Variants in MYLK observed in about 807,000 individuals in gnomAD.
MYLK encodes the protein myosin light chain kinase, smooth muscle.
MYLK carries 106 observed loss-of-function variants against 203.4 expected under a neutral mutation model. The ratio of observed to expected loss-of-function variants is 0.52; its 90% CI spans 0.45 to 0.61. The LOEUF (loss-of-function observed/expected upper bound fraction) is 0.61. MYLK is among the 20% of genes least tolerant of loss of function. The probability of loss-of-function intolerance (pLI) is 0.00; values close to 1 mark genes in which losing one functional copy is unlikely to be tolerated. For missense variants in MYLK, 2,072 were observed against 2,442.3 expected (o/e 0.85, Z 3.20); for synonymous variants, 867 against 959.5 (o/e 0.90, Z 1.78).
intron 20 of MYLK, chr3:123,680,946 A>G (rs2060242349): frequency 6.6e-6 from 1 of 152,210 alleles, no homozygotes; most frequent in Admixed American, 6.5e-5. Flanking sequence ...ATTAAAAATT[A>G]TAAGGGAAGC....
At chr3:123,871,635 G>A (rs2032795606) in intron 2 of MYLK, among the ~76,000 whole-genome samples, 1 of 151,876 alleles carries the variant, frequency 6.6e-6, no homozygotes, top group Non-Finnish European at 1.5e-5. Flanking sequence ...AAATAACCTG[G>A]ACAGTCCTAT....
chr3:123,681,763 G>A, intron 20 of MYLK: 1 of 235,650 alleles, frequency 4.2e-6, no homozygotes, highest in South Asian at 6.5e-5. Flanking sequence ...TATGTCCTCG[G>A]CACTAACATG....
chr3:123,641,854 T>A (rs2108125925), intron 27 of MYLK, among the ~76,000 whole-genome samples: 1 of 138,202 alleles, frequency 7.2e-6, no homozygotes, highest in East Asian at 2.6e-4. Flanking sequence ...TCCTCCTTCC[T>A]TTCCTTTCTT....
intron 3 of MYLK, among the ~76,000 whole-genome samples, chr3:123,818,074 A>G (rs1158691863): frequency 1.3e-5 from 2 of 152,114 alleles, no homozygotes; most frequent in African/African-American, 4.8e-5. Flanking sequence ...AAAGGTAACC[A>G]CTGAGTTACC....
chr3:123,641,435 C>T (rs878594), intron 27 of MYLK, among the ~76,000 whole-genome samples: 49,266 of 151,616 alleles, frequency 0.32, 14,550 homozygotes, highest in African/African-American at 0.76. Context: ...TTTTTTTCTT[C>T]TTCAATTTTT....
intron 2 of MYLK, among the ~76,000 whole-genome samples, chr3:123,875,302 T>C (rs897385128): frequency 6.6e-6 from 1 of 152,190 alleles, no homozygotes; most frequent in East Asian, 1.9e-4. Flanking sequence ...GAATAACCTA[T>C]TGATATACCC....
At chr3:123,698,060 A>G (rs1036309747) in intron 18 of MYLK, among the ~76,000 whole-genome samples, 5 of 152,138 alleles carry the variant, frequency 3.3e-5, no homozygotes, top group Admixed American at 2.6e-4. Context: ...TCTGCCTTAC[A>G]TCGCTTAGTT....
intron 5 of MYLK, among the ~76,000 whole-genome samples, chr3:123,746,063 T>A (rs961514991): frequency 1.4e-4 from 22 of 152,040 alleles, no homozygotes; most frequent in Non-Finnish European, 3.1e-4. Context: ...CACCATGTTG[T>A]CAGGCTGGTC....
chr3:123,777,754 A>T (rs995716456), intron 4 of MYLK, among the ~76,000 whole-genome samples: 22 of 152,290 alleles, frequency 1.4e-4, no homozygotes, highest in Non-Finnish European at 2.8e-4. Context: ...AGGGGTCTCC[A>T]GTCTACTGCC....
Position 123,700,712 on chromosome 3 carries a change from G to A in MYLK, c.2756C>T (p.Pro919Leu). 6.2e-7 allele frequency: 1 copy of A among 1,614,122 alleles called. No homozygotes were observed. The highest frequency in any genetic ancestry group is 1.6e-4 in the Middle Eastern group (1 of 6,062). ...TLSEDDLKEI[P>L]AEQMDFRANL... ...GGCACGGAAATCCATCTGCTCGGCT[G>A]GGATCTCCTTCAGGTCGTCTTCCGA... is the stretch of plus-strand genomic sequence containing the variant. Residue 919 changes from proline (P) to leucine (L), a missense_variant, in exon 18 of 34, where the codon CCA becomes CTA. Physicochemically the swap from Pro to Leu is moderately conservative, Grantham distance 98. Around this residue, in one of 3 missense-constraint regions of MYLK, gnomAD observed 865 missense variants for 1,016.0 expected, o/e 0.85. Transcript: ENST00000360304.
chr3:123,849,896 C>T (rs1251933463), intron 2 of MYLK, among the ~76,000 whole-genome samples: 1 of 152,150 alleles, frequency 6.6e-6, no homozygotes, highest in East Asian at 1.9e-4. Context: ...CTCTCCCCTC[C>T]CCACACCCTA....
In MYLK at chr3:123,657,144, C is replaced by T. The variant is rs553263281; in HGVS notation, c.4270G>A (p.Val1424Ile). The T allele has an allele frequency of 1.2e-5, 19 of 1,614,200 alleles. No homozygotes were observed. The highest frequency in any genetic ancestry group is 1.1e-4 in the South Asian group (10 of 91,078). ...AGCCTACCTTCAGGTTTCTCTCCTA[C>T]CGTTGTGAGTTCAGACTCCTGGCTT... Reference protein sequence around the residue: ...EPSQESELTTVGEKPEEPKDE... With the variant: ...EPSQESELTTIGEKPEEPKDE... The change falls in exon 24 of 34, where the codon GTA (valine) becomes ATA (isoleucine). Residue 1424 changes from valine to isoleucine, a missense_variant. Around this residue, in one of 3 missense-constraint regions of MYLK, gnomAD observed 524 missense variants for 782.4 expected, o/e 0.67. Coordinates refer to ENST00000360304, the MANE Select transcript of MYLK (RefSeq NM_053025.4).
intron 2 of MYLK, among the ~76,000 whole-genome samples, chr3:123,851,654 T>A (rs2030818932): frequency 6.6e-6 from 1 of 152,188 alleles, no homozygotes; most frequent in Admixed American, 6.5e-5. Flanking sequence ...GCTGAGACGA[T>A]GGGGTTTTCT....
At chr3:123,722,636 A>G (rs1576736632) in intron 12 of MYLK, among the ~76,000 whole-genome samples, 1 of 152,308 alleles carries the variant, frequency 6.6e-6, no homozygotes. Context: ...CACATCCTCA[A>G]CTTCACAGAA....
rs965623703 is a variant in MYLK, at chr3:123,784,386, T to C, written c.165+9291A>G. On this transcript the variant is annotated intron_variant, in intron 4 of 33. Transcript: ENST00000360304. ...TCATGGGTTGACTTTCTTTTTTTTT[T>C]TTTTTTTTTTTTTTTTTACCTCTGT... 4.0e-4 allele frequency among the ~76,000 whole-genome samples: 60 copies of C among 148,258 alleles called. No individual in the cohort carries two copies. In the East Asian group the frequency reaches 0.012, roughly 29 times the overall value.
At chr3:123,865,492 T>TC (rs2032266572) in intron 2 of MYLK, among the ~76,000 whole-genome samples, 1 of 152,212 alleles carries the variant, frequency 6.6e-6, no homozygotes, top group Admixed American at 6.5e-5. Flanking sequence ...AAACACCCAT[T>TC]CCCTGTGTTC....
At chr3:123,724,347 A>G (rs966596635) in intron 12 of MYLK, among the ~76,000 whole-genome samples, 2 of 152,090 alleles carry the variant, frequency 1.3e-5, no homozygotes, top group Non-Finnish European at 2.9e-5. Context: ...TATGGCCTGA[A>G]AAGCTGAAAA....
At chr3:123,639,315 C>T (rs1343199768) in intron 28 of MYLK, among the ~76,000 whole-genome samples, 5 of 152,216 alleles carry the variant, frequency 3.3e-5, no homozygotes, top group African/African-American at 1.2e-4. Flanking sequence ...CATAGTCTAT[C>T]GGAACCTCGC....
intron 18 of MYLK, among the ~76,000 whole-genome samples, chr3:123,696,101 T>C (rs2060914132): frequency 6.6e-6 from 1 of 152,152 alleles, no homozygotes; most frequent in Non-Finnish European, 1.5e-5. Context: ...TCTTCTGCTT[T>C]CCTCAGCACG....
Sources: allele counts gnomAD v4.1 joint callset (sites outside exome capture counted in the v4.1 genomes callset), GRCh38; gene constraint gnomAD v4.1.1; regional missense constraint gnomAD v4.1.1; transcripts MANE v1.5; gene names NCBI Gene and HGNC (gene_info 2026-07-23, HGNC 2026-07-21).